FAM110B: variants seen among roughly 807,000 people sequenced by gnomAD.
FAM110B encodes the protein family with sequence similarity 110 member B.
FAM110B carries 6 observed loss-of-function variants against 20.4 expected under a neutral mutation model. That is an observed-to-expected ratio of 0.29 (90% CI 0.16 to 0.58). The LOEUF is 0.58. Among genes scored for constraint, FAM110B ranks in the 20% least tolerant of loss-of-function variants. The probability of loss-of-function intolerance (pLI) is 0.90; values close to 1 mark genes in which losing one functional copy is unlikely to be tolerated. For synonymous variants in FAM110B, 226 were observed against 214.1 expected, an observed-to-expected ratio of 1.06 and a Z score of -0.49; for missense variants, 434 against 498.2, an observed-to-expected ratio of 0.87 and a Z score of 1.23.
At position 58,146,655 on chromosome 8, in the gene FAM110B, G is replaced by C. The variant is rs138142337; in HGVS notation, c.425G>C (p.Arg142Pro). ...SSGSGHKHSS[R>P]NWPPHRSEAT... is the part of the protein sequence containing the mutation. ...GGCTCGGGGCACAAGCACAGCTCCC[G>C]CAACTGGCCGCCCCACCGGTCGGAA... Residue 142 changes from arginine to proline, a missense_variant, in exon 4 of 4, where the codon CGC (arginine) becomes CCC (proline). Physicochemically the swap from Arg to Pro is moderately radical, Grantham distance 103. This residue lies in a region of FAM110B where 284 missense variants were observed against 278.3 expected (regional missense o/e 1.02). Coordinates refer to ENST00000519262, the MANE Select transcript of FAM110B (RefSeq NM_001377989.1). 6.2e-7 allele frequency: 1 copy of C among 1,612,862 alleles called. No homozygotes were observed. Among genetic ancestry groups the C allele is most frequent in the Non-Finnish European group, 8.5e-7 (1 of 1,179,524 alleles).
Position 58,134,272 on chromosome 8 carries a change from C to T in FAM110B, c.-324-11635C>T, listed in dbSNP as rs545249304. 7.2e-4 allele frequency among the ~76,000 whole-genome samples: 109 copies of T among 152,238 alleles called. 1 individual carries two copies. Among genetic ancestry groups the T allele is most frequent in the Admixed American group, 5.1e-3 (78 of 15,300 alleles). Reference sequence around the variant, plus strand: ...AATATTCACTATTTTTTTAAGTGAACTCACTGGTTCTGCTGTAAAATTCTA... The same window carrying T: ...AATATTCACTATTTTTTTAAGTGAATTCACTGGTTCTGCTGTAAAATTCTA... On this transcript the variant is annotated intron_variant, in intron 3 of 3. Coordinates refer to ENST00000519262, the MANE Select transcript of FAM110B (RefSeq NM_001377989.1).
intron 2 of FAM110B, among the ~76,000 whole-genome samples, chr8:58,034,302 A>T (rs1805031967): frequency 6.6e-6 from 1 of 152,166 alleles, no homozygotes; most frequent in Non-Finnish European, 1.5e-5. Context: ...CTGTTTTCTT[A>T]TGGTGAGTTC....
intron 2 of FAM110B, among the ~76,000 whole-genome samples, chr8:58,040,541 A>G: frequency 6.6e-6 from 1 of 152,206 alleles, no homozygotes; most frequent in East Asian, 1.9e-4. Flanking sequence ...TAACCCAGGC[A>G]GCAGTGGCCA....
intron 2 of FAM110B, among the ~76,000 whole-genome samples, chr8:58,049,996 T>C (rs1805407414): frequency 6.6e-6 from 1 of 152,174 alleles, no homozygotes; most frequent in African/African-American, 2.4e-5. Flanking sequence ...GAAATGTAAA[T>C]AAATTATATT....
At chr8:58,100,355 G>A (rs552688649) in intron 3 of FAM110B, among the ~76,000 whole-genome samples, 5 of 152,244 alleles carry the variant, frequency 3.3e-5, no homozygotes, top group Admixed American at 2.0e-4. Flanking sequence ...CAAGGGTGGT[G>A]TATTTTGGTT....
At chr8:58,092,494 T>A (rs1195860461) in intron 3 of FAM110B, among the ~76,000 whole-genome samples, 2 of 152,030 alleles carry the variant, frequency 1.3e-5, no homozygotes, top group East Asian at 3.9e-4. Context: ...GAACATGCGG[T>A]GTTTGGTTTT....
intron 1 of FAM110B, among the ~76,000 whole-genome samples, chr8:57,999,318 A>G (rs1260465309): frequency 6.6e-6 from 1 of 152,236 alleles, no homozygotes; most frequent in Non-Finnish European, 1.5e-5. Flanking sequence ...GGGCAAGATC[A>G]ATGGGTTTTG....
chr8:58,011,301 A>T (rs1019241984), intron 1 of FAM110B, among the ~76,000 whole-genome samples: 1 of 152,054 alleles, frequency 6.6e-6, no homozygotes, highest in Non-Finnish European at 1.5e-5. Context: ...GAGTTATCAA[A>T]CCCCTCCTAA....
At chr8:58,077,296 C>G (rs1257405920) in intron 3 of FAM110B, 2 of 152,256 alleles carry the variant, frequency 1.3e-5, no homozygotes, top group Non-Finnish European at 2.9e-5. Flanking sequence ...CTGCACCATC[C>G]TAGAGAGCTG....
intron 3 of FAM110B, among the ~76,000 whole-genome samples, chr8:58,104,667 T>C (rs147095648): frequency 2.0e-4 from 30 of 152,338 alleles, no homozygotes; most frequent in African/African-American, 7.0e-4. Context: ...AAAGTCATCA[T>C]ATCTGATTGC....
intron 1 of FAM110B, among the ~76,000 whole-genome samples, chr8:58,008,527 A>G (rs1446489681): frequency 6.6e-6 from 1 of 152,226 alleles, no homozygotes; most frequent in Non-Finnish European, 1.5e-5. Context: ...CTAATGTGTT[A>G]TGAGTAAATC....
At chr8:58,074,616 G>A (rs1402184990) in intron 2 of FAM110B, among the ~76,000 whole-genome samples, 1 of 152,168 alleles carries the variant, frequency 6.6e-6, no homozygotes, top group South Asian at 2.1e-4. Flanking sequence ...TTAACCCCCA[G>A]AGCCTTGAAT....
intron 3 of FAM110B, among the ~76,000 whole-genome samples, chr8:58,084,643 C>T (rs562353869): frequency 1.4e-4 from 22 of 152,214 alleles, no homozygotes; most frequent in African/African-American, 4.8e-4. Context: ...CCACCTCAGG[C>T]GCTCAAAGTG....
intron 2 of FAM110B, among the ~76,000 whole-genome samples, chr8:58,052,968 G>A (rs1044365996): frequency 6.7e-6 from 1 of 150,076 alleles, no homozygotes; most frequent in Non-Finnish European, 1.5e-5. Context: ...TGTATTTTTA[G>A]TAGAGACGGG....
intron 3 of FAM110B, among the ~76,000 whole-genome samples, chr8:58,137,270 C>T (rs950839926): frequency 1.3e-5 from 2 of 152,148 alleles, no homozygotes; most frequent in Non-Finnish European, 2.9e-5. Context: ...TTAATAATAG[C>T]TTACATTGGC....
chr8:58,010,373 A>G (rs919611517), intron 1 of FAM110B, among the ~76,000 whole-genome samples: 1 of 152,056 alleles, frequency 6.6e-6, no homozygotes, highest in Non-Finnish European at 1.5e-5. Context: ...GCTGTCCTCC[A>G]GCTTCCTATA....
At chr8:58,041,029 C>T (rs937197816) in intron 2 of FAM110B, among the ~76,000 whole-genome samples, 1 of 150,508 alleles carries the variant, frequency 6.6e-6, no homozygotes, top group African/African-American at 2.4e-5. Flanking sequence ...GCAACCTCCG[C>T]CTCCAGGTTC....
Position 58,146,207 on chromosome 8 carries a change from G to C in FAM110B, c.-24G>C. The C allele has an allele frequency of 6.4e-7, 1 of 1,570,064 alleles. No individual in the cohort carries two copies. The highest frequency in any genetic ancestry group is 8.7e-7 in the Non-Finnish European group (1 of 1,155,752). The stretch of plus-strand genomic sequence containing the variant: ...GGCGCCCAGAAGAGCATCCAACACG[G>C]CTGCCGGGGAAAGACCGCCCACCAT... On this transcript the variant is annotated 5_prime_UTR_variant, in exon 4 of 4. Coordinates refer to ENST00000519262, the MANE Select transcript of FAM110B (RefSeq NM_001377989.1).
At chr8:58,038,956 C>T (rs145907815) in intron 2 of FAM110B, among the ~76,000 whole-genome samples, 108 of 152,320 alleles carry the variant, frequency 7.1e-4, no homozygotes, top group African/African-American at 2.1e-3. Flanking sequence ...ACCCGCTGTG[C>T]GGTGCCAGAA....
Sources: allele counts gnomAD v4.1 joint callset (sites outside exome capture counted in the v4.1 genomes callset), GRCh38; gene constraint gnomAD v4.1.1; regional missense constraint gnomAD v4.1.1; transcripts MANE v1.5; gene names NCBI Gene and HGNC (gene_info 2026-07-23, HGNC 2026-07-21).